The following KCNJ16 variants were observed in gnomAD, a reference collection of about 807,000 sequenced individuals.
The protein encoded by KCNJ16 is potassium inwardly rectifying channel subfamily J member 16.
Under a neutral mutation model 18.5 loss-of-function variants are expected in KCNJ16, and 15 were observed. The observed-to-expected ratio is 0.81, with a 90% CI of 0.54 to 1.25. The LOEUF is 1.25. KCNJ16 is among the 50% of genes most tolerant of loss of function. The probability of loss-of-function intolerance (pLI) is 0.00; values close to 1 mark genes in which losing one functional copy is unlikely to be tolerated. For missense variants in KCNJ16, 523 were observed against 525.7 expected (o/e 0.99, Z 0.05); for synonymous variants, 174 against 186.5 (o/e 0.93, Z 0.55).
rs758978817 is a variant in KCNJ16 at position 70,133,210 on chromosome 17, A to C, written c.1123A>C (p.Ser375Arg). Residue 375 changes from serine to arginine, a missense_variant, in exon 4 of 4, where the codon AGT (serine) becomes CGT (arginine). Coordinates refer to ENST00000392671, the MANE Select transcript of KCNJ16 (RefSeq NM_170741.4). Reference protein sequence around the residue: ...SDTKARRRSFSAVAIVSSCEN... With the variant: ...SDTKARRRSFRAVAIVSSCEN... ...CACCAAGGCGAGACGAAGGTCATTTAGTGCAGTTGCCATTGTCAGCAGCTG... is the reference window on the plus strand; with the variant it reads ...CACCAAGGCGAGACGAAGGTCATTTCGTGCAGTTGCCATTGTCAGCAGCTG... 7.4e-6 allele frequency: 12 copies of C among 1,614,128 alleles called. No individual in the cohort carries two copies. The South Asian group carries it at 1.3e-4, about 18-fold the overall frequency.
rs904687470 is a variant in KCNJ16, at chr17:70,097,065, A to G, written c.-299-3593A>G. 4 of 385,014 alleles carry G rather than the reference A, an allele frequency of 1.0e-5. No individual in the cohort carries two copies. The Admixed American group carries it at 1.8e-4, about 17-fold the overall frequency. The allele number at this position is 385,014 out of a possible 1,614,324, so 23.8% of individuals were successfully genotyped here. On this transcript the variant is annotated intron_variant, in intron 1 of 3. Coordinates refer to ENST00000392671, the MANE Select transcript of KCNJ16 (RefSeq NM_170741.4). ...GCAGACACGATATTGTGTAAGTTTT[A>G]TTTCATAATCACACAAAGGAAAAAT...
chr17:70,085,462 C>CTAAA (rs2071753484), intron 1 of KCNJ16, among the ~76,000 whole-genome samples: 1 of 152,130 alleles, frequency 6.6e-6, no homozygotes, highest in Admixed American at 6.6e-5. Flanking sequence ...AAGGTATGGG[C>CTAAA]TTTTAACCAG....
chr17:70,081,226 T>A (rs1047154290), intron 1 of KCNJ16, among the ~76,000 whole-genome samples: 9 of 152,174 alleles, frequency 5.9e-5, no homozygotes, highest in African/African-American at 2.2e-4. Context: ...TTGTGGGTGG[T>A]TCGATCTCAC....
intron 2 of KCNJ16, among the ~76,000 whole-genome samples, chr17:70,115,232 T>A (rs573519116): frequency 3.0e-4 from 45 of 152,216 alleles, no homozygotes; most frequent in African/African-American, 6.5e-4. Context: ...TCTCTTAGAA[T>A]CTGAAAGAAA....
At chr17:70,118,435 A>G (rs1462085352) in intron 2 of KCNJ16, among the ~76,000 whole-genome samples, 1 of 152,094 alleles carries the variant, frequency 6.6e-6, no homozygotes, top group Non-Finnish European at 1.5e-5. Flanking sequence ...AAATAAATAA[A>G]CAAATAAATG....
intron 2 of KCNJ16, among the ~76,000 whole-genome samples, chr17:70,129,536 CT>C (rs1555597983): frequency 1.3e-5 from 2 of 152,132 alleles, no homozygotes; most frequent in Non-Finnish European, 2.9e-5. Flanking sequence ...CTAAAGACAA[CT>C]GTCTTTTAAA....
At chr17:70,095,078 G>A (rs1306443840) in intron 1 of KCNJ16, among the ~76,000 whole-genome samples, 1 of 152,176 alleles carries the variant, frequency 6.6e-6, no homozygotes, top group South Asian at 2.1e-4. Context: ...CAACTTATGT[G>A]AGCATATGAA....
chr17:70,082,330 G>C (rs563988532), intron 1 of KCNJ16, among the ~76,000 whole-genome samples: 1 of 152,262 alleles, frequency 6.6e-6, no homozygotes, highest in Admixed American at 6.5e-5. Context: ...AGAGTGGCAG[G>C]GGGTAAAATG....
At chr17:70,093,302 C>T (rs1389354724) in intron 1 of KCNJ16, among the ~76,000 whole-genome samples, 3 of 152,064 alleles carry the variant, frequency 2.0e-5, no homozygotes, top group East Asian at 1.9e-4. Flanking sequence ...TTGGGAGGGC[C>T]TTGCTCCTTC....
Position 70,132,449 on chromosome 17 carries a change from C to A in KCNJ16, c.362C>A (p.Ala121Asp). Reference protein sequence around the residue: ...CVDNVHSFTGAFLFSLETQTT... With the variant: ...CVDNVHSFTGDFLFSLETQTT... ...GACAACGTCCATTCTTTCACAGGGG[C>A]CTTTTTGTTCTCCCTAGAGACCCAA... Residue 121 changes from alanine to aspartate, a missense_variant, in exon 4 of 4, where the codon GCC becomes GAC. Coordinates refer to ENST00000392671, the MANE Select transcript of KCNJ16 (RefSeq NM_170741.4). 3 of 1,614,104 alleles carry A rather than the reference C, an allele frequency of 1.9e-6. No homozygotes were observed. The highest frequency in any genetic ancestry group is 2.5e-6 in the Non-Finnish European group (3 of 1,179,986).
intron 2 of KCNJ16, among the ~76,000 whole-genome samples, chr17:70,114,409 G>A (rs114972205): frequency 1.6e-4 from 25 of 152,208 alleles, no homozygotes; most frequent in Admixed American, 1.1e-3. Flanking sequence ...TTGGCATACC[G>A]TAAATGCCAA....
At chr17:70,122,307 G>A (rs2073673640) in intron 2 of KCNJ16, among the ~76,000 whole-genome samples, 1 of 151,684 alleles carries the variant, frequency 6.6e-6, no homozygotes, top group African/African-American at 2.4e-5. Context: ...CAAGTAGCTG[G>A]GATTACAGGC....
chr17:70,077,681 TTTTTTG>T (rs919325133), intron 1 of KCNJ16, among the ~76,000 whole-genome samples: 16 of 152,142 alleles, frequency 1.1e-4, no homozygotes, highest in Non-Finnish European at 1.0e-4. Context: ...TGTGTTTTTT[TTTTTTG>T]TTTGTTTGTT....
chr17:70,116,033 T>C (rs1421104277), intron 2 of KCNJ16, among the ~76,000 whole-genome samples: 2 of 152,186 alleles, frequency 1.3e-5, no homozygotes, highest in Non-Finnish European at 1.5e-5. Context: ...ACCTTTTTTC[T>C]TTCTGCAAAA....
intron 1 of KCNJ16, among the ~76,000 whole-genome samples, chr17:70,094,938 G>A (rs1050288412): frequency 6.6e-6 from 1 of 152,044 alleles, no homozygotes; most frequent in African/African-American, 2.4e-5. Context: ...TGTCACAGTA[G>A]GTTTTATTAA....
intron 2 of KCNJ16, among the ~76,000 whole-genome samples, chr17:70,115,794 CT>C (rs543089101): frequency 6.0e-4 from 91 of 152,230 alleles, no homozygotes; most frequent in African/African-American, 2.0e-3. Context: ...TAAATGAGAT[CT>C]GGTTTTACTT....
chr17:70,133,103 GC>G lies in KCNJ16; in HGVS notation c.1017del (p.Cys339Ter), dbSNP rs1315240808. On this transcript the variant is annotated frameshift_variant, in exon 4 of 4. Transcript: ENST00000392671. LOFTEE classifies it low-confidence loss of function (END_TRUNC). ...AGTGTGGAAGTATATGCCCCCTTTT[GC>G]AGTGCCAAGCAATTGGACTGGAAAG... ...EGSVEVYAPFCSAKQLDWKDQ... is the reference protein window; with the variant it reads ...EGSVEVYAPFXSAKQLDWKDQ... The G allele has an allele frequency of 3.1e-6, 5 of 1,614,050 alleles. No homozygotes were observed. In the Admixed American group the frequency reaches 8.3e-5, roughly 27 times the overall value.
rs191432158 is a variant in KCNJ16 at position 70,116,916 on chromosome 17, A to G, written c.-190-13963A>G. Among the ~76,000 whole-genome samples the G allele has an allele frequency of 7.9e-5, 12 of 152,308 alleles. No individual in the cohort carries two copies. In the East Asian group the frequency reaches 1.9e-3, roughly 24 times the overall value. ...TTGGAGATTTCTCAAAGAACTTAAA[A>G]CAGAACTACTATTCAAACCAACAAT... is the stretch of plus-strand genomic sequence containing the variant. On this transcript the variant is annotated intron_variant, in intron 2 of 3. Transcript: ENST00000392671.
intron 2 of KCNJ16, among the ~76,000 whole-genome samples, chr17:70,105,573 C>T (rs190486914): frequency 2.2e-4 from 33 of 152,254 alleles, no homozygotes; most frequent in African/African-American, 6.7e-4. Context: ...TACATCTTCA[C>T]AACTAAAAAT....
Sources: gnomAD v4.1 joint callset for allele counts (sites outside exome capture counted in the v4.1 genomes callset) on GRCh38, gnomAD v4.1.1 for gene constraint, MANE v1.5 for transcripts, NCBI Gene and HGNC (gene_info 2026-07-23, HGNC 2026-07-21) for gene names.